Variants in TNIK observed in about 807,000 individuals in gnomAD.
TNIK encodes TRAF2 and NCK-interacting protein kinase.
In TNIK, 49 loss-of-function variants were observed where a neutral mutation model predicts 191.3. The ratio of observed to expected loss-of-function variants is 0.26; its 90% CI spans 0.20 to 0.32. The LOEUF is 0.32. Among genes scored for constraint, TNIK ranks in the 10% least tolerant of loss-of-function variants. The pLI is 1.00. For missense variants in TNIK, 1,155 were observed against 1,702.3 expected, an observed-to-expected ratio of 0.68 and a Z score of 5.66; for synonymous variants, 594 against 600.9, an observed-to-expected ratio of 0.99 and a Z score of 0.17.
chr3:171,405,215 C>T (rs1192139236), intron 1 of TNIK, among the ~76,000 whole-genome samples: 1 of 151,954 alleles, frequency 6.6e-6, no homozygotes, highest in Non-Finnish European at 1.5e-5. Context: ...GGGAAAACTC[C>T]CAGTAGATTT....
At chr3:171,399,555 C>T (rs1720653179) in intron 1 of TNIK, among the ~76,000 whole-genome samples, 1 of 151,938 alleles carries the variant, frequency 6.6e-6, no homozygotes, top group South Asian at 2.1e-4. Flanking sequence ...CAACAGAGAC[C>T]TAGTTAAATA....
chr3:171,152,769 GTTTT>G (rs1449980303), intron 12 of TNIK, among the ~76,000 whole-genome samples: 2 of 88,884 alleles, frequency 2.3e-5, no homozygotes, highest in East Asian at 4.1e-4. Flanking sequence ...TTTGTTTTTT[GTTTT>G]TTGTTTTTTT....
In TNIK at chr3:171,263,553, G is replaced by A. The variant is rs575859662; in HGVS notation, c.124-35332C>T. 3.7e-4 allele frequency among the ~76,000 whole-genome samples: 57 copies of A among 152,096 alleles called. No individual in the cohort carries two copies. The East Asian group carries it at 9.7e-3, about 26-fold the overall frequency. On this transcript the variant is annotated intron_variant, in intron 2 of 32. Coordinates refer to ENST00000436636, the MANE Select transcript of TNIK (RefSeq NM_015028.4). ...ATTTATCCATTTGACACATTTTTAT[G>A]GAACACCTACAATTTGGTAGGCAAT...
At chr3:171,259,668 TAG>T (rs1447885201) in intron 2 of TNIK, among the ~76,000 whole-genome samples, 1 of 152,168 alleles carries the variant, frequency 6.6e-6, no homozygotes, top group African/African-American at 2.4e-5. Flanking sequence ...AAAGAATTAA[TAG>T]AAATTAAGGC....
intron 2 of TNIK, among the ~76,000 whole-genome samples, chr3:171,332,237 T>C (rs1756483336): frequency 6.6e-6 from 1 of 152,248 alleles, no homozygotes; most frequent in South Asian, 2.1e-4. Context: ...AGGCCACTTA[T>C]CATTACATCA....
intron 12 of TNIK, among the ~76,000 whole-genome samples, chr3:171,145,986 T>G (rs1485218830): frequency 6.6e-6 from 1 of 152,216 alleles, no homozygotes; most frequent in Non-Finnish European, 1.5e-5. Context: ...CAGACATTAT[T>G]CATTGCACTA....
chr3:171,441,893 G>A (rs962796384), intron 1 of TNIK, among the ~76,000 whole-genome samples: 14 of 152,172 alleles, frequency 9.2e-5, no homozygotes, highest in African/African-American at 3.1e-4. Context: ...GAAGTGCAGA[G>A]TTCACATGAT....
chr3:171,453,350 G>T (rs1158430988), intron 1 of TNIK, among the ~76,000 whole-genome samples: 1 of 152,102 alleles, frequency 6.6e-6, no homozygotes, highest in Admixed American at 6.5e-5. Context: ...AGACTTCTGT[G>T]GAAAAGGTGG....
chr3:171,281,673 C>T (rs1181729403), intron 2 of TNIK, among the ~76,000 whole-genome samples: 3 of 152,056 alleles, frequency 2.0e-5, no homozygotes, highest in Admixed American at 1.3e-4. Context: ...ACCAAGTATA[C>T]ATTATTTTGC....
At chr3:171,416,872 C>T (rs985721474) in intron 1 of TNIK, among the ~76,000 whole-genome samples, 2 of 152,166 alleles carry the variant, frequency 1.3e-5, no homozygotes, top group African/African-American at 4.8e-5. Flanking sequence ...TTATTAAATG[C>T]TGCTTCAGCC....
rs527353183 is a variant in TNIK at position 171,342,846 on chromosome 3, G to C, written c.123+26774C>G. 1.2e-3 allele frequency among the ~76,000 whole-genome samples: 184 copies of C among 152,302 alleles called. 1 individual carries two copies. The highest frequency in any genetic ancestry group is 4.4e-3 in the African/African-American group (181 of 41,574). ...CCTCATGTCATGGGGGACCCAGTGG[G>C]AGGTAACTGAATCATGGGTGTTGGT... On this transcript the variant is annotated intron_variant, in intron 2 of 32. Coordinates refer to ENST00000436636, the MANE Select transcript of TNIK (RefSeq NM_015028.4).
At chr3:171,319,424 A>C (rs773715825) in intron 2 of TNIK, among the ~76,000 whole-genome samples, 9 of 152,120 alleles carry the variant, frequency 5.9e-5, no homozygotes, top group Non-Finnish European at 8.8e-5. Flanking sequence ...CTTACTGATA[A>C]ATTAACAAGT....
At chr3:171,388,695 T>A (rs1348019716) in intron 1 of TNIK, among the ~76,000 whole-genome samples, 1 of 152,328 alleles carries the variant, frequency 6.6e-6, no homozygotes, top group East Asian at 1.9e-4. Context: ...TAAAAACTGA[T>A]TTCCATCTTC....
At chr3:171,077,640 G>A (rs560360611) in intron 28 of TNIK, among the ~76,000 whole-genome samples, 3 of 152,164 alleles carry the variant, frequency 2.0e-5, no homozygotes, top group Admixed American at 1.3e-4. Context: ...CAGCTCTCCT[G>A]GTTCTCAGGC....
intron 2 of TNIK, among the ~76,000 whole-genome samples, chr3:171,241,211 G>A (rs981527382): frequency 8.6e-5 from 13 of 151,858 alleles, no homozygotes; most frequent in African/African-American, 2.4e-4. Context: ...TGTACTTTTA[G>A]TAGAGACAGG....
intron 1 of TNIK, among the ~76,000 whole-genome samples, chr3:171,451,489 G>C (rs1183538602): frequency 6.6e-6 from 1 of 152,254 alleles, no homozygotes; most frequent in Non-Finnish European, 1.5e-5. Flanking sequence ...GAAACTGTGA[G>C]ATATAATAAA....
At chr3:171,092,720 C>A (rs937088685) in intron 23 of TNIK, among the ~76,000 whole-genome samples, 130 of 152,332 alleles carry the variant, frequency 8.5e-4, no homozygotes, top group African/African-American at 3.0e-3. Flanking sequence ...GTTATAGCCC[C>A]ACTGCTAATT....
At chr3:171,265,766 T>C (rs981269781) in intron 2 of TNIK, among the ~76,000 whole-genome samples, 8 of 152,184 alleles carry the variant, frequency 5.3e-5, no homozygotes, top group Admixed American at 1.3e-4. Context: ...AGAGGGAAAG[T>C]GGAATCTTAA....
intron 11 of TNIK, among the ~76,000 whole-genome samples, chr3:171,160,309 C>G (rs889063132): frequency 1.3e-5 from 2 of 152,106 alleles, no homozygotes; most frequent in Non-Finnish European, 2.9e-5. Flanking sequence ...CTCAGTAGGT[C>G]TGAGTTAGCA....
Sources: allele counts gnomAD v4.1 joint callset (sites outside exome capture counted in the v4.1 genomes callset), GRCh38; gene constraint gnomAD v4.1.1; transcripts MANE v1.5; gene names NCBI Gene and HGNC (gene_info 2026-07-23, HGNC 2026-07-21).